Variants in KIF22 observed in about 807,000 individuals in gnomAD.
The protein encoded by KIF22 is kinesin family member 22.
KIF22 carries 62 observed loss-of-function variants against 73.0 expected under a neutral mutation model. The ratio of observed to expected loss-of-function variants is 0.85; its 90% confidence interval spans 0.69 to 1.05. The LOEUF (loss-of-function observed/expected upper bound fraction) is 1.05. Ranked by LOEUF, KIF22 falls within the 50% of genes least tolerant of loss-of-function variation. The pLI is 0.00. For missense variants in KIF22, 854 were observed against 870.1 expected (o/e 0.98, Z 0.23); for synonymous variants, 411 against 340.1 (o/e 1.21, Z -2.29).
In KIF22 at chr16:29,798,802, G is replaced by C. The variant is rs1453258804; in HGVS notation, c.549+55G>C. 1 of 1,591,478 alleles carries C rather than the reference G, an allele frequency of 6.3e-7. No homozygotes were observed. The highest frequency in any genetic ancestry group is 1.3e-5 in the African/African-American group (1 of 74,186). On this transcript the variant is annotated intron_variant, in intron 4 of 13. Coordinates refer to ENST00000160827, the MANE Select transcript of KIF22 (RefSeq NM_007317.3). This position sits in a 1 kb window ranked among gnomAD's most constrained non-coding sequence, Gnocchi z 4.1. ...CAACAAAGGGTCAAAGTAAGACCTG[G>C]TTCTAGAACATGAAGCTCTGCTGTA... is the stretch of plus-strand genomic sequence containing the variant.
intron 1 of KIF22, among the ~76,000 whole-genome samples, chr16:29,794,290 C>T (rs1395489779): frequency 2.0e-5 from 3 of 152,136 alleles, no homozygotes; most frequent in East Asian, 1.9e-4. Flanking sequence ...AAATGGGAGA[C>T]GGACATTAAA....
Position 29,798,986 on chromosome 16 carries a change from C to G in KIF22, c.561C>G (p.Leu187=), listed in dbSNP as rs748255068. 20 of 1,614,090 alleles carry G rather than the reference C, an allele frequency of 1.2e-5. No individual in the cohort carries two copies. Among genetic ancestry groups the G allele is most frequent in the Non-Finnish European group, 1.6e-5 (19 of 1,180,040 alleles). ...LEIYQEKVLD[L]LDPASGDLVI... is the part of the protein sequence containing the mutation. ...CACTGCTTACACAGGTATTAGACCT[C>G]CTGGACCCTGCTTCGGGAGACCTGG... Residue 187 remains leucine (L), a synonymous_variant, in exon 5 of 14, where the codon CTC becomes CTG. Coordinates refer to ENST00000160827, the MANE Select transcript of KIF22 (RefSeq NM_007317.3). The surrounding 1 kb of genome is among the most constrained non-coding windows in gnomAD (Gnocchi z 4.1).
chr16:29,797,166 A>G lies in KIF22; in HGVS notation c.266+78A>G. On this transcript the variant is annotated intron_variant, in intron 2 of 13. Transcript: ENST00000160827. This position sits in a 1 kb window ranked among gnomAD's most constrained non-coding sequence, Gnocchi z 4.1. ...CCTGCCCACGTTCCCCTGCCTCCCCAGGATCCTTGCTCCCTCCTTAGCACC... is the reference window on the plus strand; with the variant it reads ...CCTGCCCACGTTCCCCTGCCTCCCCGGGATCCTTGCTCCCTCCTTAGCACC... The G allele has an allele frequency of 1.8e-6, 2 of 1,104,744 alleles. No homozygotes were observed. The highest frequency in any genetic ancestry group is 4.8e-5 in the Admixed American group (2 of 41,524). 68.4% of individuals were successfully genotyped at this position (1,104,744 alleles called of 1,614,324 possible).
rs1899351597 is a variant in KIF22 at position 29,805,367 on chromosome 16, T to TA, written c.*58dup. ...TTTGTATAACCCCGTGTTGTGTAAA[T>TA]ACAGTTTTTGCTCCGGTGCTTCCGC... On this transcript the variant is annotated 3_prime_UTR_variant, in exon 14 of 14. Transcript: ENST00000160827. The TA allele has an allele frequency of 1.5e-5, 24 of 1,568,578 alleles. No homozygotes were observed. Among genetic ancestry groups the TA allele is most frequent in the Non-Finnish European group, 2.1e-5 (24 of 1,148,726 alleles).
At chr16:29,791,128 G>T in intron 1 of KIF22, 1 of 1,340,580 alleles carries the variant, frequency 7.5e-7, no homozygotes, top group Non-Finnish European at 9.6e-7. Flanking sequence ...TCTGTGAAAC[G>T]GGGGTCATGG....
chr16:29,795,254 AGC>A (rs1898920256), intron 1 of KIF22, among the ~76,000 whole-genome samples: 1 of 152,246 alleles, frequency 6.6e-6, no homozygotes, highest in Non-Finnish European at 1.5e-5. Flanking sequence ...TAGATGTCCA[AGC>A]GCTTTGCTAC....
chr16:29,801,160 A>G (rs1298839389), intron 8 of KIF22, among the ~76,000 whole-genome samples: 1 of 152,022 alleles, frequency 6.6e-6, no homozygotes, highest in African/African-American at 2.4e-5. Flanking sequence ...CCTCTAAACT[A>G]AGTCCTTTGT....
intron 7 of KIF22, 64 bp from the exon 8 acceptor site, chr16:29,799,849 A>T: frequency 6.2e-7 from 1 of 1,612,454 alleles, no homozygotes; most frequent in South Asian, 1.1e-5. Context: ...TGAAACCACC[A>T]AGCATCAGCA....
Position 29,797,914 on chromosome 16 carries a change from T to C in KIF22, c.267-460T>C, listed in dbSNP as rs150652778. ...TAAGCAGCATCCTCTATTTTCCCCA[T>C]TATGGTGTAAAATACAATGTTCTAC... On this transcript the variant is annotated intron_variant, in intron 2 of 13. Coordinates refer to ENST00000160827, the MANE Select transcript of KIF22 (RefSeq NM_007317.3). This position sits in a 1 kb window ranked among gnomAD's most constrained non-coding sequence, Gnocchi z 4.1. Among the ~76,000 whole-genome samples the C allele has an allele frequency of 4.6e-3, 694 of 152,256 alleles. 5 individuals carry two copies. Among genetic ancestry groups the C allele is most frequent in the African/African-American group, 0.016 (649 of 41,536 alleles).
chr16:29,792,283 T>C (rs566603217), intron 1 of KIF22, among the ~76,000 whole-genome samples: 1 of 152,360 alleles, frequency 6.6e-6, no homozygotes, highest in East Asian at 1.9e-4. Context: ...AGCTCAAGGT[T>C]GCTTTTATCA....
chr16:29,805,130 C>A lies in KIF22; in HGVS notation c.1906C>A (p.Arg636Ser). 1 of 1,613,748 alleles carries A rather than the reference C, an allele frequency of 6.2e-7. No homozygotes were observed. The highest frequency in any genetic ancestry group is 8.5e-7 in the Non-Finnish European group (1 of 1,179,994). The change falls in exon 13 of 14, where the codon CGC becomes AGC. Residue 636 changes from arginine to serine, a missense_variant. This residue lies in a region of KIF22 where 423 missense variants were observed against 365.4 expected (regional missense o/e 1.16). Transcript: ENST00000160827. ...GPFSQVEDLE[R>S]VEGITGKQME... ...GTCCCGCCAGGTGGAGGACCTGGAACGCGTGGAGGGCATAACGGGGAAACA... is the reference window on the plus strand; with the variant it reads ...GTCCCGCCAGGTGGAGGACCTGGAAAGCGTGGAGGGCATAACGGGGAAACA...
At position 29,804,964 on chromosome 16, in the gene KIF22, A is replaced by G; in HGVS notation, c.1828A>G (p.Ile610Val). ...CCGAGATCTCCGCAGTCTTCAGCGC[A>G]TTGGCCCGAAGAAGGCCCAGCTAAT... Reference protein sequence around the residue: ...SARDLRSLQRIGPKKAQLIVG... With the variant: ...SARDLRSLQRVGPKKAQLIVG... The change falls in exon 12 of 14, where the codon ATT (isoleucine) becomes GTT (valine). Residue 610 changes from isoleucine to valine, a missense_variant. Physicochemically the swap from Ile to Val is conservative, Grantham distance 29. This residue lies in a region of KIF22 where 423 missense variants were observed against 365.4 expected (regional missense o/e 1.16). Coordinates refer to ENST00000160827, the MANE Select transcript of KIF22 (RefSeq NM_007317.3). 6.2e-7 allele frequency: 1 copy of G among 1,606,660 alleles called. No homozygotes were observed. Among genetic ancestry groups the G allele is most frequent in the Non-Finnish European group, 8.5e-7 (1 of 1,176,040 alleles).
At position 29,798,277 on chromosome 16, in the gene KIF22, A is replaced by G; in HGVS notation, c.267-97A>G. On this transcript the variant is annotated intron_variant, in intron 2 of 13. Transcript: ENST00000160827. This position sits in a 1 kb window ranked among gnomAD's most constrained non-coding sequence, Gnocchi z 4.1. ...TTAAATCCAAGGTCCAGATGAGAGTAGAATCCCTTACCCACCCCCACCCCA... is the reference window on the plus strand; with the variant it reads ...TTAAATCCAAGGTCCAGATGAGAGTGGAATCCCTTACCCACCCCCACCCCA... 4 of 1,519,192 alleles carry G rather than the reference A, an allele frequency of 2.6e-6. No individual in the cohort carries two copies. The South Asian group carries it at 4.9e-5, about 19-fold the overall frequency. The allele number at this position is 1,519,192 out of a possible 1,614,324, so 94.1% of individuals were successfully genotyped here.
chr16:29,803,417 C>T (rs749001202), intron 9 of KIF22, 32 bp from the exon 10 acceptor site: 1 of 1,611,602 alleles, frequency 6.2e-7, no homozygotes, highest in East Asian at 2.2e-5. Flanking sequence ...GGAGTTGGGT[C>T]TGGATCACAT....
chr16:29,796,880 T>A lies in KIF22; in HGVS notation c.71-13T>A, dbSNP rs941665698. The A allele has an allele frequency of 6.3e-7, 1 of 1,582,870 alleles. No homozygotes were observed. ...CCATACTTCATGTCTAAAAGTGATC[T>A]TCTCTCCTCCAGGAGCTGGTCGCTG... is the stretch of plus-strand genomic sequence containing the variant. On this transcript the variant is annotated splice_polypyrimidine_tract_variant and intron_variant, in intron 1 of 13. Transcript: ENST00000160827.
In KIF22 at chr16:29,805,354, C is replaced by G; in HGVS notation, c.*44C>G. ...GCCTTTTCAAATTTTTGTATAACCCCGTGTTGTGTAAATACAGTTTTTGCT... is the reference window on the plus strand; with the variant it reads ...GCCTTTTCAAATTTTTGTATAACCCGGTGTTGTGTAAATACAGTTTTTGCT... On this transcript the variant is annotated 3_prime_UTR_variant, in exon 14 of 14. Coordinates refer to ENST00000160827, the MANE Select transcript of KIF22 (RefSeq NM_007317.3). The G allele has an allele frequency of 6.3e-7, 1 of 1,591,494 alleles. No individual in the cohort carries two copies. The highest frequency in any genetic ancestry group is 8.6e-7 in the Non-Finnish European group (1 of 1,166,302).
chr16:29,796,877 A>G lies in KIF22; in HGVS notation c.71-16A>G. On this transcript the variant is annotated splice_polypyrimidine_tract_variant and intron_variant, in intron 1 of 13. Coordinates refer to ENST00000160827, the MANE Select transcript of KIF22 (RefSeq NM_007317.3). ...CCACCATACTTCATGTCTAAAAGTG[A>G]TCTTCTCTCCTCCAGGAGCTGGTCG... 1 of 1,613,494 alleles carries G rather than the reference A, an allele frequency of 6.2e-7. No homozygotes were observed. Among genetic ancestry groups the G allele is most frequent in the East Asian group, 2.2e-5 (1 of 44,856 alleles).
At chr16:29,802,991 C>G (rs1899195293) in intron 9 of KIF22, 54 bp downstream of exon 9, 4 of 1,555,296 alleles carry the variant, frequency 2.6e-6, no homozygotes, top group Middle Eastern at 1.7e-4. Context: ...GAGAAGCAAT[C>G]CTTGGATCTT....
Position 29,800,001 on chromosome 16 carries a change from G to A in KIF22, c.1233G>A (p.Gly411=). The change falls in exon 8 of 14, where the codon GGG becomes GGA. Residue 411 remains glycine (G), a synonymous_variant. Coordinates refer to ENST00000160827, the MANE Select transcript of KIF22 (RefSeq NM_007317.3). ...GAGGCCCTGAGGAAGAGGAGATCGG[G>A]AGCCCTGAGCCCATGGCAGCTCCAG... ...RARGPEEEEI[G]SPEPMAAPAS... 1 of 1,613,814 alleles carries A rather than the reference G, an allele frequency of 6.2e-7. No individual in the cohort carries two copies.
Sources: gnomAD v4.1 joint callset for allele counts (sites outside exome capture counted in the v4.1 genomes callset) on GRCh38, gnomAD v4.1.1 for gene constraint, gnomAD v4.1.1 regional missense constraint, Gnocchi (gnomAD v3.1) non-coding constraint, MANE v1.5 for transcripts, NCBI Gene and HGNC (gene_info 2026-07-23, HGNC 2026-07-21) for gene names.